The following SPATA22 variants were observed in gnomAD, a reference collection of about 807,000 sequenced individuals.
The protein encoded by SPATA22 is spermatogenesis-associated protein 22.
A neutral mutation model predicts 47.8 loss-of-function variants in SPATA22; 29 were observed. The observed-to-expected ratio is 0.61, with a 90% CI of 0.45 to 0.83. SPATA22 has a LOEUF of 0.83. Ranked by LOEUF, SPATA22 falls within the 40% of genes least tolerant of loss-of-function variation. The pLI, the probability that SPATA22 is intolerant of heterozygous loss-of-function variation, is 0.00. For synonymous variants in SPATA22, 133 were observed against 140.9 expected (o/e 0.94, Z 0.40); for missense variants, 410 against 421.7 (o/e 0.97, Z 0.24).
chr17:3,458,229 T>G (rs946923264), intron 5 of SPATA22, among the ~76,000 whole-genome samples: 2 of 152,092 alleles, frequency 1.3e-5, no homozygotes. Flanking sequence ...GTACTCAACA[T>G]CACTAATCAG....
At chr17:3,503,618 TG>T (rs2074015196) in intron 1 of SPATA22, among the ~76,000 whole-genome samples, 1 of 152,238 alleles carries the variant, frequency 6.6e-6, no homozygotes, top group Admixed American at 6.5e-5. Flanking sequence ...GTGGTTTCAG[TG>T]GGTTTCAGGG....
In SPATA22 at chr17:3,456,480, C is replaced by G. The variant is rs183331364; in HGVS notation, c.329+6003G>C. 2.7e-3 allele frequency among the ~76,000 whole-genome samples: 403 copies of G among 149,910 alleles called. 3 individuals are homozygous for G. The highest frequency in any genetic ancestry group is 0.014 in the Middle Eastern group (4 of 294). On this transcript the variant is annotated intron_variant, in intron 5 of 8. Coordinates refer to ENST00000572969, the MANE Select transcript of SPATA22 (RefSeq NM_001170698.2). ...GGATAAATTCCTCAACACATACACT[C>G]TCCCAAGACTAAACCAGGAAGAAGT... is the stretch of plus-strand genomic sequence containing the variant.
rs1324973250 is a variant in SPATA22, at chr17:3,495,567, T to C, written c.-74+17845A>G. ...CAGTGTTTGTTTTTGTTTTTGTTTT[T>C]GTTTTTGTTTTTGTTTTTTGAGATG... On this transcript the variant is annotated intron_variant, in intron 1 of 8. Coordinates refer to the SPATA22 transcript ENST00000541913. Among the ~76,000 whole-genome samples, 7 of 152,066 alleles carry C rather than the reference T, an allele frequency of 4.6e-5. No individual in the cohort carries two copies. The South Asian group carries it at 8.3e-4, about 18-fold the overall frequency.
intron 1 of SPATA22, chr17:3,499,971 A>G (rs1011704993): frequency 6.6e-6 from 1 of 152,186 alleles, no homozygotes; most frequent in Non-Finnish European, 1.5e-5. Context: ...TAAAAATTCT[A>G]CTCCAGTGCA....
At chr17:3,457,315 A>C (rs929177637) in intron 5 of SPATA22, among the ~76,000 whole-genome samples, 1 of 152,126 alleles carries the variant, frequency 6.6e-6, no homozygotes, top group African/African-American at 2.4e-5. Flanking sequence ...GTCTCAGCCC[A>C]AAATCTCCTT....
chr17:3,471,162 G>GAGAGAGGGAGGA (rs2073425006), intron 1 of SPATA22, among the ~76,000 whole-genome samples: 1 of 151,858 alleles, frequency 6.6e-6, no homozygotes, highest in Non-Finnish European at 1.5e-5. Context: ...GGAAAAAATG[G>GAGAGAGGGAGGA]AGAGAGGGAG....
chr17:3,476,055 T>G, upstream of SPATA22: 1 of 1,083,506 alleles, frequency 9.2e-7, no homozygotes, highest in Non-Finnish European at 1.4e-6. Context: ...TACTTTGCCC[T>G]TTGGGTAAAG....
At chr17:3,476,402 C>G (rs1162798110), upstream of SPATA22, 1 of 1,611,554 alleles carries the variant, frequency 6.2e-7, no homozygotes, top group South Asian at 1.1e-5. Flanking sequence ...TTGGGTAAGA[C>G]TATGCTTTGT....
Position 3,443,356 on chromosome 17 carries a change from C to CTATCCA in SPATA22, c.803-91_803-86dup, listed in dbSNP as rs2072639527. 17 of 883,064 alleles carry CTATCCA rather than the reference C, an allele frequency of 1.9e-5. No homozygotes were observed. The South Asian group carries it at 2.7e-4, about 14-fold the overall frequency. The allele number at this position is 883,064 out of a possible 1,614,324, so 54.7% of individuals were successfully genotyped here. ...CAAAGAGAAGCTGATGTTTAAATAA[C>CTATCCA]TATCCATATCAACCTCTCATAGTGC... On this transcript the variant is annotated intron_variant, in intron 7 of 8. Coordinates refer to ENST00000572969, the MANE Select transcript of SPATA22 (RefSeq NM_001170698.2).
At position 3,490,987 on chromosome 17, in the gene SPATA22, A is replaced by G. The variant is rs538588670; in HGVS notation, c.-73-21589T>C. Among the ~76,000 whole-genome samples the G allele has an allele frequency of 6.6e-5, 10 of 152,336 alleles. No homozygotes were observed. The East Asian group carries it at 1.9e-3, about 29-fold the overall frequency. On this transcript the variant is annotated intron_variant, in intron 1 of 8. Coordinates refer to the SPATA22 transcript ENST00000541913. The surrounding 1 kb of genome is among the most constrained non-coding windows in gnomAD (Gnocchi z 4.6). The stretch of plus-strand genomic sequence containing the variant: ...GACTATCCAGCTTGGTGGATTTTCA[A>G]CTGAGCACTCCTATCCACAGAATGC...
chr17:3,477,223 T>C (rs183798726), intron 1 of SPATA22, among the ~76,000 whole-genome samples: 17 of 152,320 alleles, frequency 1.1e-4, no homozygotes, highest in Admixed American at 8.5e-4. Context: ...GCAGACGTAC[T>C]TAACTTCCAT....
At chr17:3,463,135 T>C (rs1321060290) in intron 3 of SPATA22, among the ~76,000 whole-genome samples, 1 of 152,210 alleles carries the variant, frequency 6.6e-6, no homozygotes, top group South Asian at 2.1e-4. Flanking sequence ...ATGCATGATA[T>C]ATGTGTGAGA....
intron 1 of SPATA22, chr17:3,489,443 T>G: frequency 1.1e-6 from 1 of 940,586 alleles, no homozygotes; most frequent in Admixed American, 2.0e-5. Context: ...TATGAAGTGC[T>G]TTTTAAAATT....
chr17:3,463,992 C>G (rs950417893), intron 3 of SPATA22, among the ~76,000 whole-genome samples: 5 of 139,892 alleles, frequency 3.6e-5, no homozygotes, highest in Non-Finnish European at 6.2e-5. Flanking sequence ...CCCACGGTCT[C>G]CCTCTCCCTC....
chr17:3,496,247 G>A (rs2073905719), intron 1 of SPATA22, among the ~76,000 whole-genome samples: 1 of 152,192 alleles, frequency 6.6e-6, no homozygotes, highest in Non-Finnish European at 1.5e-5. Context: ...GATAGGGAAG[G>A]TTCCTCATGG....
chr17:3,449,819 T>C (rs577631601), intron 5 of SPATA22, among the ~76,000 whole-genome samples: 1 of 151,946 alleles, frequency 6.6e-6, no homozygotes, highest in Non-Finnish European at 1.5e-5. Flanking sequence ...TAGTTAGGAG[T>C]TCCACAGGAA....
At chr17:3,442,525 C>G (rs576786794) in intron 8 of SPATA22, among the ~76,000 whole-genome samples, 6 of 151,570 alleles carry the variant, frequency 4.0e-5, no homozygotes, top group African/African-American at 1.5e-4. Context: ...TTTGCAATCT[C>G]CACACTTCTA....
Position 3,490,878 on chromosome 17 carries a change from T to G in SPATA22, c.-73-21480A>C, listed in dbSNP as rs76667138. Among the ~76,000 whole-genome samples, 3,105 of 152,272 alleles carry G rather than the reference T, an allele frequency of 0.02. 116 individuals carry two copies. Among genetic ancestry groups the G allele is most frequent in the African/African-American group, 0.072 (2,996 of 41,546 alleles). The stretch of plus-strand genomic sequence containing the variant: ...ACCCCACCCCTTAACCCCTTATCTC[T>G]GCTTCAACCAGAGCTCTTCTGTGTA... On this transcript the variant is annotated intron_variant, in intron 1 of 8. Coordinates refer to the SPATA22 transcript ENST00000541913. The surrounding 1 kb of genome is among the most constrained non-coding windows in gnomAD (Gnocchi z 4.6).
intron 3 of SPATA22, among the ~76,000 whole-genome samples, chr17:3,465,977 C>T (rs1043407769): frequency 5.3e-5 from 8 of 151,516 alleles, no homozygotes; most frequent in African/African-American, 1.2e-4. Flanking sequence ...TTTTAAATGA[C>T]GGAATGTTTT....
Sources: allele counts gnomAD v4.1 joint callset (sites outside exome capture counted in the v4.1 genomes callset), GRCh38; gene constraint gnomAD v4.1.1; non-coding constraint Gnocchi (gnomAD v3.1); transcripts MANE v1.5; gene names NCBI Gene and HGNC (gene_info 2026-07-23, HGNC 2026-07-21).